TMEM151A: variants seen among roughly 807,000 people sequenced by gnomAD.
TMEM151A encodes the protein transmembrane protein 151A.
A neutral mutation model predicts 33.7 loss-of-function variants in TMEM151A; 21 were observed. The observed-to-expected ratio is 0.62, with a 90% CI of 0.44 to 0.90. TMEM151A has a LOEUF of 0.90. TMEM151A is among the 40% of genes least tolerant of loss of function. The pLI is 0.00. For missense variants in TMEM151A, 704 were observed against 697.7 expected (o/e 1.01, Z -0.10); for synonymous variants, 374 against 330.3 (o/e 1.13, Z -1.43).
Position 66,294,933 on chromosome 11 carries a change from G to T in TMEM151A, c.687G>T (p.Ala229=). 6.5e-7 allele frequency: 1 copy of T among 1,547,210 alleles called. No individual in the cohort carries two copies. The highest frequency in any genetic ancestry group is 2.4e-5 in the East Asian group (1 of 41,304). ...RFTKCFSFGS[A]EAEASYLTQR... Reference sequence around the variant, plus strand: ...CCAAGTGCTTCAGCTTCGGCAGCGCGGAGGCCGAGGCCTCGTACCTCACGC... The same window carrying T: ...CCAAGTGCTTCAGCTTCGGCAGCGCTGAGGCCGAGGCCTCGTACCTCACGC... The change falls in exon 2 of 2, where the codon GCG becomes GCT. Residue 229 remains alanine, a synonymous_variant. Coordinates refer to ENST00000327259, the MANE Select transcript of TMEM151A (RefSeq NM_153266.4).
Position 66,295,848 on chromosome 11 carries a change from T to C in TMEM151A, c.*195T>C. On this transcript the variant is annotated 3_prime_UTR_variant, in exon 2 of 2. Coordinates refer to ENST00000327259, the MANE Select transcript of TMEM151A (RefSeq NM_153266.4). ...GGTCATTTTGGAGGAAGTGGAAGCC[T>C]AAGAATCGCCCCCAGCATGGCTTCA... The C allele has an allele frequency of 2.2e-6, 1 of 447,106 alleles. No individual in the cohort carries two copies. Among genetic ancestry groups the C allele is most frequent in the East Asian group, 3.6e-5 (1 of 27,986 alleles). 27.7% of individuals were successfully genotyped at this position (447,106 alleles called of 1,614,324 possible).
chr11:66,295,740 G>T lies in TMEM151A; in HGVS notation c.*87G>T. ...GAGTGATTGTTGTCCAAAACAGGCG[G>T]GAAAACAGACCAGCCACACACAAGG... On this transcript the variant is annotated 3_prime_UTR_variant, in exon 2 of 2. Transcript: ENST00000327259. 7.9e-7 allele frequency: 1 copy of T among 1,269,254 alleles called. No individual in the cohort carries two copies. Among genetic ancestry groups the T allele is most frequent in the Non-Finnish European group, 1.0e-6 (1 of 980,940 alleles). 78.6% of individuals were successfully genotyped at this position (1,269,254 alleles called of 1,614,324 possible).
intron 1 of TMEM151A, 106 bp from the exon 2 acceptor site, chr11:66,294,216 A>G: frequency 6.6e-7 from 1 of 1,509,558 alleles, no homozygotes; most frequent in Non-Finnish European, 8.9e-7. Flanking sequence ...CCTCCTCTGT[A>G]AAATGGGGCT....
Position 66,295,347 on chromosome 11 carries a change from C to A in TMEM151A, c.1101C>A (p.Gly367=), listed in dbSNP as rs1366196571. ...GCTACTCGGAGGCCGTGGTCATGGG[C>A]GCGGGCTCGGGCGCCTACCTCAGAG... ...VPSYSEAVVM[G]AGSGAYLRGC... The change falls in exon 2 of 2, where the codon GGC becomes GGA. Residue 367 remains glycine (G), a synonymous_variant. Coordinates refer to ENST00000327259, the MANE Select transcript of TMEM151A (RefSeq NM_153266.4). 22 of 1,583,096 alleles carry A rather than the reference C, an allele frequency of 1.4e-5. No homozygotes were observed. Among genetic ancestry groups the A allele is most frequent in the Non-Finnish European group, 1.7e-5 (20 of 1,166,566 alleles).
At chr11:66,294,197 C>A in intron 1 of TMEM151A, 125 bp from the exon 2 acceptor site, 1 of 1,422,614 alleles carries the variant, frequency 7.0e-7, no homozygotes, top group Non-Finnish European at 9.4e-7. Context: ...TCCCTCTAAG[C>A]CTCAGTTTCC....
Position 66,295,775 on chromosome 11 carries a change from G to A in TMEM151A, c.*122G>A, listed in dbSNP as rs1215116425. 6 of 958,808 alleles carry A rather than the reference G, an allele frequency of 6.3e-6. No individual in the cohort carries two copies. The highest frequency in any genetic ancestry group is 2.9e-5 in the South Asian group (1 of 34,414). The allele number at this position is 958,808 out of a possible 1,614,324, so 59.4% of individuals were successfully genotyped here. A position where few individuals can be genotyped will look rare whatever the true frequency, so the allele number is the denominator to read the frequency against. Reference sequence around the variant, plus strand: ...CCAGCCACACACAAGGGGCAGGGGTGAGGGTGGGGGTGGGGGTCCTTAAAC... The same window carrying A: ...CCAGCCACACACAAGGGGCAGGGGTAAGGGTGGGGGTGGGGGTCCTTAAAC... On this transcript the variant is annotated 3_prime_UTR_variant, in exon 2 of 2. Coordinates refer to ENST00000327259, the MANE Select transcript of TMEM151A (RefSeq NM_153266.4).
chr11:66,295,479 C>T lies in TMEM151A; in HGVS notation c.1233C>T (p.Gly411=). 7.1e-7 allele frequency: 1 copy of T among 1,400,392 alleles called. No individual in the cohort carries two copies. The highest frequency in any genetic ancestry group is 1.6e-5 in the South Asian group (1 of 61,312). The allele number at this position is 1,400,392 out of a possible 1,614,324, so 86.7% of individuals were successfully genotyped here. The part of the protein sequence containing the change: ...FSRSRLSLGA[G]GRATPGVFRS... Reference sequence around the variant, plus strand: ...GCAGCCGCCTCTCGCTGGGCGCTGGCGGCCGGGCCACGCCAGGGGTCTTCC... The same window carrying T: ...GCAGCCGCCTCTCGCTGGGCGCTGGTGGCCGGGCCACGCCAGGGGTCTTCC... The change falls in exon 2 of 2, where the codon GGC becomes GGT. Residue 411 remains glycine (G), a synonymous_variant. Transcript: ENST00000327259.
chr11:66,293,785 G>T (rs1341995757), intron 1 of TMEM151A, among the ~76,000 whole-genome samples: 2 of 152,174 alleles, frequency 1.3e-5, no homozygotes, highest in African/African-American at 4.8e-5. Context: ...TGAGGAAATT[G>T]AGGTCCAGAG....
intron 1 of TMEM151A, among the ~76,000 whole-genome samples, chr11:66,293,927 C>A (rs1857481628): frequency 6.6e-6 from 1 of 152,166 alleles, no homozygotes; most frequent in South Asian, 2.1e-4. Context: ...CCAACAGGAC[C>A]AAGAATCAAG....
rs1857458705 is a variant in TMEM151A, at chr11:66,291,896, A to ACTCCCTCCGCGGC, written c.-116_-104dup. Reference sequence around the variant, plus strand: ...CCGCGCTCGGGCTCGAGCTCCGCGCACTCCCTCCGCGGCCGCTGAGCCGAG... The same window carrying ACTCCCTCCGCGGC: ...CCGCGCTCGGGCTCGAGCTCCGCGCACTCCCTCCGCGGCCTCCCTCCGCGGCCGCTGAGCCGAG... On this transcript the variant is annotated 5_prime_UTR_variant, in exon 1 of 2. Transcript: ENST00000327259. The ACTCCCTCCGCGGC allele has an allele frequency of 4.7e-6, 3 of 634,492 alleles. No homozygotes were observed. Among genetic ancestry groups the ACTCCCTCCGCGGC allele is most frequent in the Non-Finnish European group, 6.6e-6 (3 of 456,322 alleles). The allele number at this position is 634,492 out of a possible 1,614,324, so 39.3% of individuals were successfully genotyped here.
chr11:66,292,271 G>A lies in TMEM151A; in HGVS notation c.75+183G>A, dbSNP rs372753220. Among the ~76,000 whole-genome samples the A allele has an allele frequency of 6.6e-6, 1 of 152,028 alleles. No individual in the cohort carries two copies. The highest frequency in any genetic ancestry group is 1.5e-5 in the Non-Finnish European group (1 of 67,962). ...CCCGCGTTGGGGGTAGGGGTGGGGC[G>A]GCTGGACAGCAATATGCGGGGCGAC... On this transcript the variant is annotated intron_variant, in intron 1 of 1. Transcript: ENST00000327259. This position sits in a 1 kb window ranked among gnomAD's most constrained non-coding sequence, Gnocchi z 4.7.
At chr11:66,294,257 C>G (rs1254685399) in intron 1 of TMEM151A, 65 bp from the exon 2 acceptor site, 1 of 1,578,002 alleles carries the variant, frequency 6.3e-7, no homozygotes, top group Non-Finnish European at 8.6e-7. Flanking sequence ...CCGGGTTAAG[C>G]AAAGTGGCAG....
Position 66,292,169 on chromosome 11 carries a change from C to CCCCTCTCT in TMEM151A, c.75+81_75+82insCCCTCTCT. On this transcript the variant is annotated intron_variant, in intron 1 of 1. Transcript: ENST00000327259. The surrounding 1 kb of genome is among the most constrained non-coding windows in gnomAD (Gnocchi z 4.7). Reference sequence around the variant, plus strand: ...GCAAAAGGCGACCCCAAGAGAGGGGCTGAGGAGGGAAGTCCCAGAGCCCCT... The same window carrying CCCCTCTCT: ...GCAAAAGGCGACCCCAAGAGAGGGGCCCCTCTCTTGAGGAGGGAAGTCCCAGAGCCCCT... The CCCCTCTCT allele has an allele frequency of 8.2e-7, 1 of 1,215,980 alleles. No individual in the cohort carries two copies. Among genetic ancestry groups the CCCCTCTCT allele is most frequent in the Non-Finnish European group, 1.1e-6 (1 of 934,468 alleles). 75.3% of individuals were successfully genotyped at this position (1,215,980 alleles called of 1,614,324 possible). A position where few individuals can be genotyped will look rare whatever the true frequency, so the allele number is the denominator to read the frequency against.
At chr11:66,293,443 T>C (rs1021171951) in intron 1 of TMEM151A, among the ~76,000 whole-genome samples, 4 of 152,058 alleles carry the variant, frequency 2.6e-5, no homozygotes, top group African/African-American at 9.7e-5. Context: ...CTGGCAGCCC[T>C]GCCAGGGAGG....
chr11:66,292,102 G>T lies in TMEM151A; in HGVS notation c.75+14G>T. 1 of 1,439,964 alleles carries T rather than the reference G, an allele frequency of 6.9e-7. No homozygotes were observed. The highest frequency in any genetic ancestry group is 9.0e-7 in the Non-Finnish European group (1 of 1,105,750). The allele number at this position is 1,439,964 out of a possible 1,614,324, so 89.2% of individuals were successfully genotyped here. On this transcript the variant is annotated intron_variant, in intron 1 of 1. Coordinates refer to ENST00000327259, the MANE Select transcript of TMEM151A (RefSeq NM_153266.4). This position sits in a 1 kb window ranked among gnomAD's most constrained non-coding sequence, Gnocchi z 4.7. ...CTGCGGGAAGAGGTACCGGCGCTGG[G>T]GGGGCCGGAGCCGGGCCTGGGGCGG...
rs535754216 is a variant in TMEM151A at position 66,296,162 on chromosome 11, T to G, written c.*509T>G. The G allele has an allele frequency of 8.7e-4, 133 of 153,466 alleles. 3 individuals carry two copies. In the South Asian group the frequency reaches 0.027, roughly 31 times the overall value. The allele number at this position is 153,466 out of a possible 1,614,324, so 9.5% of individuals were successfully genotyped here. A position where few individuals can be genotyped will look rare whatever the true frequency, so the allele number is the denominator to read the frequency against. The stretch of plus-strand genomic sequence containing the variant: ...CCTTGGCCCTGCTACTCACCCAACA[T>G]TCCCATCCTCCCCTGATAGGCCCCT... On this transcript the variant is annotated 3_prime_UTR_variant, in exon 2 of 2. Transcript: ENST00000327259.
chr11:66,294,631 C>T lies in TMEM151A; in HGVS notation c.385C>T (p.Arg129Cys). 1 of 1,610,640 alleles carries T rather than the reference C, an allele frequency of 6.2e-7. No individual in the cohort carries two copies. The highest frequency in any genetic ancestry group is 8.5e-7 in the Non-Finnish European group (1 of 1,178,772). The change falls in exon 2 of 2, where the codon CGC becomes TGC. Residue 129 changes from arginine (R) to cysteine (C), a missense_variant. Physicochemically the swap from Arg to Cys is radical, Grantham distance 180. This residue lies in a region of TMEM151A where 301 missense variants were observed against 323.4 expected (regional missense o/e 0.93). Transcript: ENST00000327259. ...TCACGTGCGGTCCTGCCAGGCGCCA[C>T]GCACCGACGCCCACACGGTGCTGGC... ...HCHVRSCQAP[R>C]TDAHTVLALI... is the part of the protein sequence containing the mutation.
chr11:66,293,000 T>A lies in TMEM151A; in HGVS notation c.75+912T>A, dbSNP rs1398819025. On this transcript the variant is annotated intron_variant, in intron 1 of 1. Transcript: ENST00000327259. The surrounding 1 kb of genome is among the most constrained non-coding windows in gnomAD (Gnocchi z 4.7). ...GTGTGTGTCCTGTGGTGGATGGGTA[T>A]GTGGTGTGTGCGTGTGTGTGTGTAT... Among the ~76,000 whole-genome samples the A allele has an allele frequency of 2.0e-5, 3 of 151,494 alleles. No homozygotes were observed. Among genetic ancestry groups the A allele is most frequent in the Non-Finnish European group, 4.4e-5 (3 of 67,684 alleles).
In TMEM151A at chr11:66,295,551, A is replaced by G. The variant is rs755040077; in HGVS notation, c.1305A>G (p.Glu435=). ...TGGGGCGCCGTGGAGAGGACACGGA[A>G]CCCCTGGAGAGCCCGCCCTGCTATG... The part of the protein sequence containing the change: ...GPLGRRGEDT[E]PLESPPCYED... The change falls in exon 2 of 2, where the codon GAA becomes GAG. Residue 435 remains glutamate, a synonymous_variant. Coordinates refer to ENST00000327259, the MANE Select transcript of TMEM151A (RefSeq NM_153266.4). 2.1e-6 allele frequency: 3 copies of G among 1,457,820 alleles called. No individual in the cohort carries two copies. Among genetic ancestry groups the G allele is most frequent in the Non-Finnish European group, 2.7e-6 (3 of 1,104,292 alleles). The allele number at this position is 1,457,820 out of a possible 1,614,324, so 90.3% of individuals were successfully genotyped here.
Sources: allele counts gnomAD v4.1 joint callset (sites outside exome capture counted in the v4.1 genomes callset), GRCh38; gene constraint gnomAD v4.1.1; regional missense constraint gnomAD v4.1.1; non-coding constraint Gnocchi (gnomAD v3.1); transcripts MANE v1.5; gene names NCBI Gene and HGNC (gene_info 2026-07-23, HGNC 2026-07-21).